RAP1A: variants seen among roughly 807,000 people sequenced by gnomAD.
RAP1A encodes ras-related protein Rap-1A.
A neutral mutation model predicts 26.4 loss-of-function variants in RAP1A; 6 were observed. The observed-to-expected ratio is 0.23, with a 90% CI of 0.12 to 0.45. RAP1A has a LOEUF of 0.45. Ranked by LOEUF, RAP1A falls within the 20% of genes least tolerant of loss-of-function variation. The pLI, the probability that RAP1A is intolerant of heterozygous loss-of-function variation, is 0.99. For synonymous variants in RAP1A, 73 were observed against 79.4 expected, an observed-to-expected ratio of 0.92 and a Z score of 0.43; for missense variants, 121 against 217.2, an observed-to-expected ratio of 0.56 and a Z score of 2.78.
At chr1:111,572,246 A>G (rs1658064365) in intron 1 of RAP1A, among the ~76,000 whole-genome samples, 1 of 152,230 alleles carries the variant, frequency 6.6e-6, no homozygotes, top group African/African-American at 2.4e-5. Context: ...ATTAAAAGGC[A>G]CACAGCACTC....
At chr1:111,554,962 A>G (rs531241208) in intron 1 of RAP1A, among the ~76,000 whole-genome samples, 3 of 152,336 alleles carry the variant, frequency 2.0e-5, no homozygotes, top group Non-Finnish European at 4.4e-5. Flanking sequence ...ACCTACCGAG[A>G]CTTTAAATGT....
intron 4 of RAP1A, among the ~76,000 whole-genome samples, chr1:111,700,042 C>A (rs1017201273): frequency 6.6e-6 from 1 of 152,286 alleles, no homozygotes; most frequent in African/African-American, 2.4e-5. Flanking sequence ...TTGGTTACTC[C>A]TAAGTCTCCT....
intron 1 of RAP1A, among the ~76,000 whole-genome samples, chr1:111,633,980 C>G (rs1659649951): frequency 6.6e-6 from 1 of 152,152 alleles, no homozygotes; most frequent in Non-Finnish European, 1.5e-5. Context: ...AGAATCATTG[C>G]TTTGTGGTTT....
rs181846529 is a variant in RAP1A at position 111,595,982 on chromosome 1, T to G, written c.-28+53473T>G. On this transcript the variant is annotated intron_variant, in intron 1 of 7. Transcript: ENST00000356415. ...ATAGGACAATTAAACAGCAGAAAAG[T>G]AAAATAAGTTGCCAAGAGGACTTGC... Among the ~76,000 whole-genome samples, 3 of 152,314 alleles carry G rather than the reference T, an allele frequency of 2.0e-5. No homozygotes were observed. In the East Asian group the frequency reaches 5.8e-4, roughly 29 times the overall value.
intron 1 of RAP1A, among the ~76,000 whole-genome samples, chr1:111,641,555 G>A (rs1659891315): frequency 6.6e-6 from 1 of 152,054 alleles, no homozygotes; most frequent in African/African-American, 2.4e-5. Flanking sequence ...GTTCAAATAT[G>A]GTTTGCGGGA....
At chr1:111,656,148 A>G (rs1158963967) in intron 1 of RAP1A, among the ~76,000 whole-genome samples, 1 of 152,066 alleles carries the variant, frequency 6.6e-6, no homozygotes, top group Non-Finnish European at 1.5e-5. Context: ...TAGTTAAATT[A>G]CTGTACATTT....
At chr1:111,688,342 C>T (rs1438731679) in intron 1 of RAP1A, among the ~76,000 whole-genome samples, 10 of 126,954 alleles carry the variant, frequency 7.9e-5, no homozygotes, top group South Asian at 2.4e-4. Context: ...TTTTTTGAGA[C>T]GGAGTCTTGC....
At chr1:111,657,206 A>C (rs1212698276) in intron 1 of RAP1A, among the ~76,000 whole-genome samples, 1 of 152,226 alleles carries the variant, frequency 6.6e-6, no homozygotes, top group Non-Finnish European at 1.5e-5. Flanking sequence ...GAGTGCTGAC[A>C]TGACACCAGA....
chr1:111,592,973 T>C lies in RAP1A; in HGVS notation c.-28+50464T>C, dbSNP rs534196243. 3.3e-5 allele frequency among the ~76,000 whole-genome samples: 5 copies of C among 151,904 alleles called. No individual in the cohort carries two copies. In the South Asian group the frequency reaches 8.3e-4, roughly 25 times the overall value. The stretch of plus-strand genomic sequence containing the variant: ...AGAGCTCTGAGGATCAGTGGGTGTG[T>C]TGGGGGGTAAATAGCAGAGGAGGTG... On this transcript the variant is annotated intron_variant, in intron 1 of 7. Transcript: ENST00000356415.
intron 1 of RAP1A, among the ~76,000 whole-genome samples, chr1:111,552,266 A>G (rs1657293866): frequency 6.6e-6 from 1 of 152,184 alleles, no homozygotes; most frequent in Non-Finnish European, 1.5e-5. Context: ...TTCTTCTGGT[A>G]CTGGTGCTAG....
chr1:111,661,459 A>G (rs1269771478), intron 1 of RAP1A, among the ~76,000 whole-genome samples: 1 of 152,180 alleles, frequency 6.6e-6, no homozygotes, highest in African/African-American at 2.4e-5. Context: ...ATGTATTTAT[A>G]TACATCTGTG....
chr1:111,572,136 A>G (rs1658060987), intron 1 of RAP1A, among the ~76,000 whole-genome samples: 1 of 152,238 alleles, frequency 6.6e-6, no homozygotes, highest in East Asian at 1.9e-4. Context: ...CCAGGGAGGT[A>G]TCAGAGCAGG....
At chr1:111,642,774 G>A (rs141033322) in intron 1 of RAP1A, among the ~76,000 whole-genome samples, 4,097 of 138,600 alleles carry the variant, frequency 0.03, 192 homozygotes, top group African/African-American at 0.1. Context: ...GGCGTGAGCC[G>A]CCGTGCCCAG....
At chr1:111,613,313 C>A (rs960752309) in intron 1 of RAP1A, among the ~76,000 whole-genome samples, 2 of 152,108 alleles carry the variant, frequency 1.3e-5, no homozygotes, top group Non-Finnish European at 2.9e-5. Context: ...CATTCTCCTG[C>A]CTCAGCCTCC....
chr1:111,615,775 G>A (rs1228427021), upstream of RAP1A, among the ~76,000 whole-genome samples: 3 of 147,732 alleles, frequency 2.0e-5, no homozygotes, highest in Non-Finnish European at 3.0e-5. Context: ...AGGTTGCAGT[G>A]AGCCAAGACC....
At chr1:111,614,968 G>T (rs183078196), upstream of RAP1A, among the ~76,000 whole-genome samples, 67 of 152,226 alleles carry the variant, frequency 4.4e-4, no homozygotes, top group African/African-American at 1.4e-3. Context: ...TCAGAGGAGG[G>T]CTCCACTTAG....
intron 1 of RAP1A, among the ~76,000 whole-genome samples, chr1:111,566,645 AC>A (rs1419698472): frequency 6.6e-6 from 1 of 152,214 alleles, no homozygotes; most frequent in Non-Finnish European, 1.5e-5. Flanking sequence ...TGCCAGGTAC[AC>A]TGCTCCAGCA....
At chr1:111,677,188 A>G (rs1468943698) in intron 1 of RAP1A, among the ~76,000 whole-genome samples, 1 of 152,210 alleles carries the variant, frequency 6.6e-6, no homozygotes, top group African/African-American at 2.4e-5. Flanking sequence ...TCCATGTTGC[A>G]AGTAATTCAT....
intron 6 of RAP1A, among the ~76,000 whole-genome samples, chr1:111,704,868 A>G (rs913459568): frequency 6.6e-6 from 1 of 152,194 alleles, no homozygotes; most frequent in Admixed American, 6.5e-5. Flanking sequence ...ATATGTTTTT[A>G]TGGATATCAC....
Sources: allele counts gnomAD v4.1 joint callset (sites outside exome capture counted in the v4.1 genomes callset), GRCh38; gene constraint gnomAD v4.1.1; transcripts MANE v1.5; gene names NCBI Gene and HGNC (gene_info 2026-07-23, HGNC 2026-07-21).